Variants in FRMD4B observed in about 807,000 individuals in gnomAD.
The protein encoded by FRMD4B is FERM domain-containing protein 4B.
FRMD4B carries 74 observed loss-of-function variants against 141.5 expected under a neutral mutation model. That is an observed-to-expected ratio of 0.52 (90% CI 0.43 to 0.63). The LOEUF is 0.63. FRMD4B is among the 30% of genes least tolerant of loss of function. FRMD4B has a pLI of 0.00. For synonymous variants in FRMD4B, 506 were observed against 467.9 expected (o/e 1.08, Z -1.05); for missense variants, 1,366 against 1,253.4 (o/e 1.09, Z -1.36).
At chr3:69,426,321 C>CAT (rs143036897) in intron 2 of FRMD4B, among the ~76,000 whole-genome samples, 1 of 149,720 alleles carries the variant, frequency 6.7e-6, no homozygotes, top group South Asian at 2.1e-4. Flanking sequence ...CTTTTAAAAG[C>CAT]GTGTGTGTGT....
Position 69,542,044 on chromosome 3 carries a change from G to A in FRMD4B, c.-129+162C>T, listed in dbSNP as rs77903782. Among the ~76,000 whole-genome samples, 11 of 152,238 alleles carry A rather than the reference G, an allele frequency of 7.2e-5. No homozygotes were observed. The East Asian group carries it at 2.1e-3, about 30-fold the overall frequency. On this transcript the variant is annotated intron_variant, in intron 1 of 5. Coordinates refer to the FRMD4B transcript ENST00000459638. ...GGCTGCACTAGACCTCGAGCCCCAG[G>A]GCGGGGTTTTCCGCTCTCCCAAACT...
In FRMD4B at chr3:69,302,454, G is replaced by T; in HGVS notation, c.324-19C>A. 1.1e-5 allele frequency: 16 copies of T among 1,443,240 alleles called. No homozygotes were observed. The highest frequency in any genetic ancestry group is 1.5e-5 in the Non-Finnish European group (16 of 1,034,396). 89.4% of individuals were successfully genotyped at this position (1,443,240 alleles called of 1,614,324 possible). ...CTGACCTCTGTGAGAGCAAAGCAAA[G>T]AAAAAGGATTCAACAGAAAGTCAGA... is the stretch of plus-strand genomic sequence containing the variant. On this transcript the variant is annotated intron_variant, in intron 3 of 22. Transcript: ENST00000398540.
intron 7 of FRMD4B, among the ~76,000 whole-genome samples, chr3:69,237,718 C>T (rs1241723646): frequency 6.6e-6 from 1 of 152,128 alleles, no homozygotes; most frequent in Non-Finnish European, 1.5e-5. Context: ...AAAAGATATT[C>T]TTTGGGCTTT....
chr3:69,318,325 C>CAT, intron 1 of FRMD4B, among the ~76,000 whole-genome samples: 1 of 152,182 alleles, frequency 6.6e-6, no homozygotes, highest in Non-Finnish European at 1.5e-5. Context: ...CCACAAATTT[C>CAT]CATGCCAAAA....
intron 1 of FRMD4B, among the ~76,000 whole-genome samples, chr3:69,368,510 AC>A (rs1411239669): frequency 6.6e-6 from 1 of 152,008 alleles, no homozygotes; most frequent in Non-Finnish European, 1.5e-5. Flanking sequence ...GCCTGTGCCT[AC>A]CCCCCTTGTC....
chr3:69,470,513 C>A (rs918239596), intron 1 of FRMD4B, among the ~76,000 whole-genome samples: 2 of 151,904 alleles, frequency 1.3e-5, no homozygotes, highest in South Asian at 2.1e-4. Context: ...GTCCAAAGAA[C>A]AAAGAGGGTT....
Position 69,180,905 on chromosome 3 carries a change from A to G in FRMD4B, c.2845T>C (p.Ser949Pro). The G allele has an allele frequency of 6.3e-7, 1 of 1,589,110 alleles. No individual in the cohort carries two copies. The highest frequency in any genetic ancestry group is 8.6e-7 in the Non-Finnish European group (1 of 1,161,470). Residue 949 changes from serine to proline, a missense_variant, in exon 21 of 23, where the codon TCT (serine) becomes CCT (proline). By Grantham distance (74) the Ser-to-Pro change is moderately conservative. Transcript: ENST00000398540. ...GTTTTTACAGTATTCTCACCTGAAG[A>G]GTACGAGGATGCACGACTGCTTGGA... ...CSPSSRASSY[S>P]SVSSTNASGN...
chr3:69,273,865 G>A (rs1436723640), intron 5 of FRMD4B, among the ~76,000 whole-genome samples: 1 of 151,134 alleles, frequency 6.6e-6, no homozygotes, highest in South Asian at 2.1e-4. Flanking sequence ...TTTAAAGGGT[G>A]TTTTGGAGGT....
chr3:69,355,152 T>G (rs1267853681), intron 1 of FRMD4B, among the ~76,000 whole-genome samples: 1 of 152,090 alleles, frequency 6.6e-6, no homozygotes, highest in Non-Finnish European at 1.5e-5. Flanking sequence ...AAAGGATGAC[T>G]CAAAGAGGAC....
At chr3:69,478,510 C>A (rs536116585) in intron 1 of FRMD4B, among the ~76,000 whole-genome samples, 3 of 152,092 alleles carry the variant, frequency 2.0e-5, no homozygotes, top group Non-Finnish European at 2.9e-5. Flanking sequence ...TGTAGTTGAG[C>A]GGTTTTGAGT....
intron 21 of FRMD4B, among the ~76,000 whole-genome samples, chr3:69,177,909 G>A (rs371032761): frequency 3.2e-4 from 49 of 152,270 alleles, no homozygotes; most frequent in African/African-American, 1.1e-3. Flanking sequence ...AAAAAAAAGT[G>A]TGTATGTGTT....
chr3:69,331,843 A>T (rs1575738141), intron 1 of FRMD4B, among the ~76,000 whole-genome samples: 1 of 152,204 alleles, frequency 6.6e-6, no homozygotes, highest in Admixed American at 6.5e-5. Flanking sequence ...TAATCCCAGC[A>T]CTTTGGGAGG....
At chr3:69,456,438 G>A (rs1575808811) in intron 1 of FRMD4B, among the ~76,000 whole-genome samples, 1 of 152,150 alleles carries the variant, frequency 6.6e-6, no homozygotes, top group South Asian at 2.1e-4. Context: ...AAAAATGTTT[G>A]ACAGTGCAGT....
intron 5 of FRMD4B, among the ~76,000 whole-genome samples, chr3:69,281,031 A>G (rs1159142624): frequency 6.6e-6 from 1 of 151,962 alleles, no homozygotes; most frequent in Non-Finnish European, 1.5e-5. Flanking sequence ...CCTGAGTTCA[A>G]GCGATTCTCC....
chr3:69,429,060 T>A (rs746930722), intron 2 of FRMD4B, among the ~76,000 whole-genome samples: 5 of 151,804 alleles, frequency 3.3e-5, no homozygotes, highest in African/African-American at 4.8e-5. Flanking sequence ...CTTTTTTCCC[T>A]CTGTTACTTA....
intron 5 of FRMD4B, among the ~76,000 whole-genome samples, chr3:69,251,679 T>C (rs755459162): frequency 4.6e-5 from 7 of 152,200 alleles, no homozygotes; most frequent in Non-Finnish European, 1.0e-4. Flanking sequence ...AGCCTTGGAA[T>C]TCAAAGCTCG....
chr3:69,499,297 C>G lies in FRMD4B; in HGVS notation c.-129+42909G>C, dbSNP rs11926886. On this transcript the variant is annotated intron_variant, in intron 1 of 5. Transcript: ENST00000459638. ...TAAGTGCAGTGGGAAGCCATTGATC[C>G]AAGCAGTAGTTAAGAAGTTCCTGCT... Among the ~76,000 whole-genome samples, 1,315 of 152,216 alleles carry G rather than the reference C, an allele frequency of 8.6e-3. 22 individuals are homozygous for G. The highest frequency in any genetic ancestry group is 0.03 in the African/African-American group (1,240 of 41,536).
At position 69,361,782 on chromosome 3, in the gene FRMD4B, G is replaced by T. The variant is rs528562116; in HGVS notation, c.162+24046C>A. Among the ~76,000 whole-genome samples the T allele has an allele frequency of 3.8e-4, 58 of 152,246 alleles. 1 individual carries two copies. Among genetic ancestry groups the T allele is most frequent in the African/African-American group, 1.2e-3 (49 of 41,540 alleles). Reference sequence around the variant, plus strand: ...GAAATCAGTTGTTCTCAGTTTGGGGGTATTAGAAGTTATAAGCTATGAATA... The same window carrying T: ...GAAATCAGTTGTTCTCAGTTTGGGGTTATTAGAAGTTATAAGCTATGAATA... On this transcript the variant is annotated intron_variant, in intron 1 of 22. Coordinates refer to ENST00000398540, the MANE Select transcript of FRMD4B (RefSeq NM_015123.3).
At chr3:69,279,353 G>A (rs1466698796) in intron 5 of FRMD4B, among the ~76,000 whole-genome samples, 1 of 152,168 alleles carries the variant, frequency 6.6e-6, no homozygotes, top group African/African-American at 2.4e-5. Flanking sequence ...TATTTATGCC[G>A]CCAGTTCCTT....
Sources: gnomAD v4.1 joint callset for allele counts (sites outside exome capture counted in the v4.1 genomes callset) on GRCh38, gnomAD v4.1.1 for gene constraint, MANE v1.5 for transcripts, NCBI Gene and HGNC (gene_info 2026-07-23, HGNC 2026-07-21) for gene names.